Variants in IPO9 observed in about 807,000 individuals in gnomAD.
IPO9 encodes the protein importin-9.
IPO9 carries 28 observed loss-of-function variants against 128.6 expected under a neutral mutation model. The ratio of observed to expected loss-of-function variants is 0.22; its 90% CI spans 0.16 to 0.30. The LOEUF (loss-of-function observed/expected upper bound fraction) is 0.30. Ranked by LOEUF, IPO9 falls within the 10% of genes least tolerant of loss-of-function variation. IPO9 has a pLI of 1.00. For missense variants in IPO9, 935 were observed against 1,293.9 expected (o/e 0.72, Z 4.26); for synonymous variants, 455 against 475.8 (o/e 0.96, Z 0.57).
intron 15 of IPO9, among the ~76,000 whole-genome samples, chr1:201,867,215 C>A (rs936302377): frequency 2.0e-5 from 3 of 151,904 alleles, no homozygotes; most frequent in African/African-American, 7.3e-5. Flanking sequence ...AAATAAAGGG[C>A]TAATAAGCAA....
intron 4 of IPO9, among the ~76,000 whole-genome samples, chr1:201,850,048 G>A (rs1680188061): frequency 6.6e-6 from 1 of 152,218 alleles, no homozygotes; most frequent in African/African-American, 2.4e-5. Context: ...AGGTTCTTTT[G>A]ACAAACCTAG....
intron 6 of IPO9, among the ~76,000 whole-genome samples, chr1:201,853,542 T>C (rs1680264914): frequency 6.7e-6 from 1 of 149,822 alleles, no homozygotes; most frequent in South Asian, 2.1e-4. Context: ...TATATTTGTA[T>C]TTTTTTTATT....
intron 1 of IPO9, among the ~76,000 whole-genome samples, chr1:201,835,831 C>T (rs1232252927): frequency 2.0e-5 from 3 of 152,064 alleles, no homozygotes; most frequent in East Asian, 3.9e-4. Context: ...GACACCAGGC[C>T]GGGCACAGTG....
intron 5 of IPO9, 144 bp from the exon 6 acceptor site, chr1:201,852,867 A>C: frequency 1.5e-6 from 1 of 671,460 alleles, no homozygotes; most frequent in Admixed American, 2.4e-5. Context: ...CTGGACATAA[A>C]TGAATTACAT....
In IPO9 at chr1:201,855,937, AAAT is replaced by A. The variant is rs746432977; in HGVS notation, c.1122+8_1122+10del. ...ACATGCAAATCACTGAGGAGCAGGT[AAAT>A]AATATTTGAGAGACAGTTACCATCT... On this transcript the variant is annotated splice_donor_5th_base_variant and intron_variant, in intron 10 of 23. Transcript: ENST00000361565. 3 of 1,572,594 alleles carry A rather than the reference AAAT, an allele frequency of 1.9e-6. No individual in the cohort carries two copies. The highest frequency in any genetic ancestry group is 2.6e-6 in the Non-Finnish European group (3 of 1,165,942).
intron 1 of IPO9, among the ~76,000 whole-genome samples, chr1:201,836,514 T>C (rs186438541): frequency 1.3e-5 from 2 of 152,292 alleles, no homozygotes; most frequent in Admixed American, 1.3e-4. Flanking sequence ...GCCTCCTTAG[T>C]AGCTGGGACT....
chr1:201,875,344 C>T, intron 23 of IPO9, 116 bp downstream of exon 23: 1 of 914,480 alleles, frequency 1.1e-6, no homozygotes, highest in Non-Finnish European at 1.8e-6. Flanking sequence ...AATCCCAACA[C>T]TTTGGGAGGT....
At chr1:201,845,483 A>T (rs558668744) in intron 1 of IPO9, among the ~76,000 whole-genome samples, 2 of 152,312 alleles carry the variant, frequency 1.3e-5, no homozygotes, top group South Asian at 2.1e-4. Flanking sequence ...ATTGTGACCT[A>T]TGTATCTACC....
intron 17 of IPO9, 93 bp downstream of exon 17, chr1:201,869,811 G>C: frequency 7.0e-7 from 1 of 1,427,914 alleles, no homozygotes. Context: ...TTATGCTTTT[G>C]AAATACGGAA....
At chr1:201,855,707 T>A in intron 9 of IPO9, 76 bp from the exon 10 acceptor site, 1 of 1,269,474 alleles carries the variant, frequency 7.9e-7, no homozygotes, top group South Asian at 1.3e-5. Flanking sequence ...ACAAAGGTTA[T>A]GTAGTTCATT....
intron 13 of IPO9, among the ~76,000 whole-genome samples, 191 bp downstream of exon 13, chr1:201,859,185 ATATATATATAT>A (rs1558221363): frequency 1.5e-5 from 2 of 132,764 alleles, no homozygotes; most frequent in South Asian, 2.5e-4. Flanking sequence ...AGTATAATAT[ATATATATATAT>A]ATATATATAT....
intron 14 of IPO9, 60 bp downstream of exon 14, chr1:201,863,667 A>G: frequency 2.8e-6 from 4 of 1,434,866 alleles, no homozygotes; most frequent in Non-Finnish European, 3.8e-6. Flanking sequence ...GATATAACAA[A>G]TCACAGTTTT....
chr1:201,859,065 AT>A, intron 13 of IPO9, 71 bp downstream of exon 13: 1 of 1,481,822 alleles, frequency 6.7e-7, no homozygotes, highest in Non-Finnish European at 9.3e-7. Context: ...AGGGATCAGC[AT>A]TAGGAGATAT....
chr1:201,832,701 C>G (rs2102866071), intron 1 of IPO9, among the ~76,000 whole-genome samples: 1 of 152,338 alleles, frequency 6.6e-6, no homozygotes. Flanking sequence ...CTCCCTCTGT[C>G]CTCTCAAATA....
intron 14 of IPO9, among the ~76,000 whole-genome samples, chr1:201,865,988 C>G (rs1571553443): frequency 6.6e-6 from 1 of 152,210 alleles, no homozygotes; most frequent in East Asian, 1.9e-4. Context: ...TTTGCATCAT[C>G]TATCTACATC....
chr1:201,848,754 G>GT (rs944589063), intron 4 of IPO9, among the ~76,000 whole-genome samples, 160 bp downstream of exon 4: 1 of 152,036 alleles, frequency 6.6e-6, no homozygotes, highest in African/African-American at 2.4e-5. Context: ...CAGCTCTATT[G>GT]TTTTTTTCTA....
At chr1:201,855,353 A>T (rs1459854958) in intron 9 of IPO9, among the ~76,000 whole-genome samples, 171 bp downstream of exon 9, 1 of 152,228 alleles carries the variant, frequency 6.6e-6, no homozygotes. Flanking sequence ...GACAATCTTT[A>T]ATCTGTTCCA....
chr1:201,862,125 T>G (rs924778327), intron 13 of IPO9, among the ~76,000 whole-genome samples: 4 of 152,174 alleles, frequency 2.6e-5, no homozygotes, highest in African/African-American at 9.7e-5. Flanking sequence ...AGATTTTAAA[T>G]AGAAGAATGA....
At position 201,858,840 on chromosome 1, in the gene IPO9, A is replaced by G. The variant is rs747531702; in HGVS notation, c.1329-15A>G. 1.3e-6 allele frequency: 2 copies of G among 1,590,412 alleles called. No homozygotes were observed. The highest frequency in any genetic ancestry group is 1.7e-4 in the Middle Eastern group (1 of 6,000). On this transcript the variant is annotated splice_polypyrimidine_tract_variant and intron_variant, in intron 12 of 23. Transcript: ENST00000361565. ...AGTTTAGTATGTTTTACTAGGCTGT[A>G]GTATCCTTTCACAGGTGGAAGATCC... is the stretch of plus-strand genomic sequence containing the variant.
Sources: allele counts gnomAD v4.1 joint callset (sites outside exome capture counted in the v4.1 genomes callset), GRCh38; gene constraint gnomAD v4.1.1; transcripts MANE v1.5; gene names NCBI Gene and HGNC (gene_info 2026-07-23, HGNC 2026-07-21).